Variants in DNAI1 observed in about 807,000 individuals in gnomAD.
The protein encoded by DNAI1 is dynein, axonemal, intermediate polypeptide 1.
In DNAI1, 67 loss-of-function variants were observed where a neutral mutation model predicts 92.0. The ratio of observed to expected loss-of-function variants is 0.73; its 90% CI spans 0.60 to 0.89. The LOEUF is 0.89. DNAI1 is among the 40% of genes least tolerant of loss of function. The probability of loss-of-function intolerance (pLI) is 0.00; values close to 1 mark genes in which losing one functional copy is unlikely to be tolerated. For missense variants in DNAI1, 839 were observed against 866.6 expected, an observed-to-expected ratio of 0.97 and a Z score of 0.40; for synonymous variants, 323 against 319.6, an observed-to-expected ratio of 1.01 and a Z score of -0.11.
At chr9:34,459,087 T>A in intron 1 of DNAI1, 34 bp downstream of exon 1, 6 of 1,603,662 alleles carry the variant, frequency 3.7e-6, no homozygotes, top group Non-Finnish European at 4.3e-6. Flanking sequence ...TGATGACCTC[T>A]GACCTTCGTC....
chr9:34,480,126 C>T (rs1382202330), intron 1 of DNAI1, among the ~76,000 whole-genome samples: 14 of 152,202 alleles, frequency 9.2e-5, no homozygotes, highest in Non-Finnish European at 7.3e-5. Context: ...TCTTCTGCTG[C>T]ATTGAACCCT....
intron 1 of DNAI1, among the ~76,000 whole-genome samples, chr9:34,460,338 T>G (rs1823926268): frequency 6.6e-6 from 1 of 152,304 alleles, no homozygotes; most frequent in South Asian, 2.1e-4. Context: ...AAGCAGGACT[T>G]CTATATATTT....
intron 1 of DNAI1, among the ~76,000 whole-genome samples, chr9:34,481,730 G>A (rs548576338): frequency 3.0e-4 from 46 of 152,254 alleles, no homozygotes; most frequent in African/African-American, 1.1e-3. Flanking sequence ...TAGCGCGTCT[G>A]GAGTTGTTCG....
chr9:34,497,926 A>G (rs371010739), intron 10 of DNAI1, among the ~76,000 whole-genome samples: 76 of 152,328 alleles, frequency 5.0e-4, no homozygotes, highest in African/African-American at 1.8e-3. Context: ...GTGAGAGTTC[A>G]GGCGGAAGAG....
In DNAI1 at chr9:34,501,153, G is replaced by C; in HGVS notation, c.1035G>C (p.Arg345Ser). ...TTTTTTGCAGGAATCCAAAGTACAGGGATCTGTTTGCAGTGGGATATGGCT... is the reference window on the plus strand; with the variant it reads ...TTTTTTGCAGGAATCCAAAGTACAGCGATCTGTTTGCAGTGGGATATGGCT... The part of the protein sequence containing the change: ...VTALCWNPKY[R>S]DLFAVGYGSY... Residue 345 changes from arginine to serine, a missense_variant, in exon 12 of 20, where the codon AGG becomes AGC. Transcript: ENST00000242317. 6.2e-7 allele frequency: 1 copy of C among 1,613,798 alleles called. No homozygotes were observed. Among genetic ancestry groups the C allele is most frequent in the Non-Finnish European group, 8.5e-7 (1 of 1,179,688 alleles).
intron 10 of DNAI1, among the ~76,000 whole-genome samples, chr9:34,498,947 G>C (rs1369052037): frequency 1.3e-5 from 2 of 152,238 alleles, no homozygotes; most frequent in Admixed American, 6.5e-5. Context: ...TTGAAACCCA[G>C]CCTCTGCAAG....
intron 1 of DNAI1, among the ~76,000 whole-genome samples, chr9:34,474,642 C>G (rs969631867): frequency 1.4e-5 from 2 of 144,750 alleles, no homozygotes; most frequent in African/African-American, 5.1e-5. Context: ...AATCTCGGCT[C>G]ACTGCAACCT....
In DNAI1 at chr9:34,459,059, G is replaced by A; in HGVS notation, c.48+6G>A. ...ATAAACAGCCTCATAAGCAGGTAAC[G>A]TACGCACACCTTCCTTCTGATGACC... On this transcript the variant is annotated splice_donor_region_variant and intron_variant, in intron 1 of 19. Coordinates refer to ENST00000242317, the MANE Select transcript of DNAI1 (RefSeq NM_012144.4). The A allele has an allele frequency of 6.2e-7, 1 of 1,613,786 alleles. No individual in the cohort carries two copies. The highest frequency in any genetic ancestry group is 8.5e-7 in the Non-Finnish European group (1 of 1,179,714).
At chr9:34,472,935 C>G (rs1824168959) in intron 1 of DNAI1, among the ~76,000 whole-genome samples, 1 of 151,660 alleles carries the variant, frequency 6.6e-6, no homozygotes, top group Admixed American at 6.6e-5. Flanking sequence ...GAGTATATAA[C>G]AGTATTAGTC....
rs577599520 is a variant in DNAI1 at position 34,482,952 on chromosome 9, T to C, written c.49-496T>C. Among the ~76,000 whole-genome samples, 592 of 152,310 alleles carry C rather than the reference T, an allele frequency of 3.9e-3. 9 individuals carry two copies. The highest frequency in any genetic ancestry group is 0.034 in the Admixed American group (515 of 15,310). On this transcript the variant is annotated intron_variant, in intron 1 of 19. Transcript: ENST00000242317. ...CCCGGCGAGAAATCGAGCGCAGTGC[T>C]GGTGGGCCAGCACTGCTGGGGGACT... is the stretch of plus-strand genomic sequence containing the variant.
At chr9:34,519,714 C>T (rs1409431027) in intron 19 of DNAI1, among the ~76,000 whole-genome samples, 1 of 152,170 alleles carries the variant, frequency 6.6e-6, no homozygotes, top group East Asian at 1.9e-4. Flanking sequence ...TCCCCATCCC[C>T]TTTACAGCCC....
At chr9:34,479,855 T>C (rs1824316454) in intron 1 of DNAI1, among the ~76,000 whole-genome samples, 1 of 152,178 alleles carries the variant, frequency 6.6e-6, no homozygotes, top group Admixed American at 6.5e-5. Flanking sequence ...AGATGAGACA[T>C]GCTTTTCTCT....
chr9:34,467,869 C>A (rs1824066755), intron 1 of DNAI1, among the ~76,000 whole-genome samples: 1 of 152,142 alleles, frequency 6.6e-6, no homozygotes, highest in Non-Finnish European at 1.5e-5. Flanking sequence ...ACACATTTAC[C>A]CTTGCTCTCT....
chr9:34,493,153 T>C (rs201209356), intron 8 of DNAI1, 41 bp from the exon 9 acceptor site: 7 of 1,613,928 alleles, frequency 4.3e-6, no homozygotes, highest in African/African-American at 1.3e-5. Flanking sequence ...TGGGTAAAGA[T>C]TGCACCTTAC....
At chr9:34,504,592 C>T (rs1049111593) in intron 12 of DNAI1, among the ~76,000 whole-genome samples, 3 of 152,180 alleles carry the variant, frequency 2.0e-5, no homozygotes, top group Non-Finnish European at 4.4e-5. Context: ...CCTCATTTTC[C>T]CTAAATCAAA....
intron 2 of DNAI1, among the ~76,000 whole-genome samples, chr9:34,483,706 G>A (rs1824418982): frequency 6.6e-6 from 1 of 151,846 alleles, no homozygotes; most frequent in South Asian, 2.1e-4. Context: ...ATTTTTCTTT[G>A]GAGGAATAAG....
At chr9:34,499,432 C>T (rs1241652182) in intron 10 of DNAI1, among the ~76,000 whole-genome samples, 1 of 152,220 alleles carries the variant, frequency 6.6e-6, no homozygotes, top group Non-Finnish European at 1.5e-5. Flanking sequence ...TCACTGCATT[C>T]TTTAAACAGT....
At chr9:34,499,419 A>C (rs1824784206) in intron 10 of DNAI1, among the ~76,000 whole-genome samples, 1 of 152,228 alleles carries the variant, frequency 6.6e-6, no homozygotes, top group Non-Finnish European at 1.5e-5. Context: ...CTGTTAATGA[A>C]TTTCACTGCA....
Position 34,489,342 on chromosome 9 carries a change from T to C in DNAI1, c.281T>C (p.Ile94Thr), listed in dbSNP as rs1356887733. The C allele has an allele frequency of 3.7e-6, 6 of 1,614,008 alleles. No homozygotes were observed. Among genetic ancestry groups the C allele is most frequent in the African/African-American group, 1.3e-5 (1 of 74,934 alleles). The change falls in exon 5 of 20, where the codon ATT (isoleucine) becomes ACT (threonine). Residue 94 changes from isoleucine to threonine, a missense_variant. Physicochemically the swap from Ile to Thr is moderately conservative, Grantham distance 89. Coordinates refer to ENST00000242317, the MANE Select transcript of DNAI1 (RefSeq NM_012144.4). ...YSFKEGTYKP[I>T]GFVNQLAVHY... ...TCTTAGGAAGGCACATATAAGCCTA[T>C]TGGCTTTGTGAACCAACTGGCAGTT...
Sources: gnomAD v4.1 joint callset for allele counts (sites outside exome capture counted in the v4.1 genomes callset) on GRCh38, gnomAD v4.1.1 for gene constraint, MANE v1.5 for transcripts, NCBI Gene and HGNC (gene_info 2026-07-23, HGNC 2026-07-21) for gene names.